The following SORBS2 variants were observed in gnomAD, a reference collection of about 807,000 sequenced individuals.
The protein encoded by SORBS2 is sorbin and SH3 domain-containing protein 2.
A neutral mutation model predicts 97.7 loss-of-function variants in SORBS2; 46 were observed. That is an observed-to-expected ratio of 0.47 (90% CI 0.37 to 0.60). SORBS2 has a LOEUF of 0.60. Ranked by LOEUF, SORBS2 falls within the 20% of genes least tolerant of loss-of-function variation. SORBS2 has a pLI of 0.00. For missense variants in SORBS2, 1,316 were observed against 1,282.3 expected (o/e 1.03, Z -0.40); for synonymous variants, 476 against 473.4 (o/e 1.01, Z -0.07).
At chr4:185,760,607 T>G (rs113426334) in intron 2 of SORBS2, among the ~76,000 whole-genome samples, 4 of 152,098 alleles carry the variant, frequency 2.6e-5, no homozygotes, top group African/African-American at 9.7e-5. Context: ...GCATCCTATG[T>G]CTGCATAATG....
chr4:185,681,169 A>AGACT (rs1442543884), intron 2 of SORBS2, among the ~76,000 whole-genome samples: 2 of 152,186 alleles, frequency 1.3e-5, no homozygotes, highest in African/African-American at 2.4e-5. Flanking sequence ...TCTCTCAAGG[A>AGACT]GACTAAAGTA....
chr4:185,910,819 T>C (rs1041080196), intron 1 of SORBS2, among the ~76,000 whole-genome samples: 2 of 152,232 alleles, frequency 1.3e-5, no homozygotes, highest in African/African-American at 2.4e-5. Context: ...CTGTATTATA[T>C]ATGAGAAATA....
intron 1 of SORBS2, among the ~76,000 whole-genome samples, chr4:185,839,491 C>T (rs1288733595): frequency 2.0e-5 from 3 of 152,154 alleles, no homozygotes; most frequent in African/African-American, 7.2e-5. Context: ...GCTGCATTTA[C>T]AACATCCACG....
At chr4:185,899,521 G>A (rs2099246560) in intron 1 of SORBS2, among the ~76,000 whole-genome samples, 1 of 152,036 alleles carries the variant, frequency 6.6e-6, no homozygotes, top group African/African-American at 2.4e-5. Context: ...AGCCTCCTGG[G>A]TTTAAGCGAT....
At chr4:185,866,137 T>TAA in intron 1 of SORBS2, among the ~76,000 whole-genome samples, 1 of 152,198 alleles carries the variant, frequency 6.6e-6, no homozygotes, top group Non-Finnish European at 1.5e-5. Flanking sequence ...GTTAAAAGAT[T>TAA]CCTGTCACCA....
At chr4:185,946,920 G>T (rs1284709427) in intron 1 of SORBS2, among the ~76,000 whole-genome samples, 1 of 152,230 alleles carries the variant, frequency 6.6e-6, no homozygotes, top group Non-Finnish European at 1.5e-5. Context: ...GACTATGTGT[G>T]CCAGGGTCAT....
At chr4:185,692,228 G>C (rs1166837100) in intron 2 of SORBS2, among the ~76,000 whole-genome samples, 1 of 152,138 alleles carries the variant, frequency 6.6e-6, no homozygotes, top group Non-Finnish European at 1.5e-5. Context: ...TCCTGAGTGG[G>C]CCTGTTGTTG....
intron 4 of SORBS2, chr4:185,646,438 C>G: frequency 3.4e-6 from 1 of 295,610 alleles, no homozygotes. Flanking sequence ...TATATAAATA[C>G]ACACACATAC....
chr4:185,912,533 C>T (rs565458006), intron 1 of SORBS2, among the ~76,000 whole-genome samples: 177 of 129,962 alleles, frequency 1.4e-3, no homozygotes, highest in African/African-American at 5.0e-3. Flanking sequence ...TGCAGTGAGC[C>T]GAGATCATGC....
At chr4:185,596,711 T>C (rs913460299) in intron 12 of SORBS2, among the ~76,000 whole-genome samples, 1 of 151,944 alleles carries the variant, frequency 6.6e-6, no homozygotes, top group Non-Finnish European at 1.5e-5. Context: ...ATTTTTGTAT[T>C]TTTAGTAGAG....
chr4:185,711,591 T>C (rs2098421028), intron 2 of SORBS2, among the ~76,000 whole-genome samples: 1 of 152,204 alleles, frequency 6.6e-6, no homozygotes, highest in Admixed American at 6.5e-5. Context: ...GTGTATTCAC[T>C]TCCCTTCATC....
intron 2 of SORBS2, among the ~76,000 whole-genome samples, chr4:185,686,267 G>A (rs2097956929): frequency 6.6e-6 from 1 of 152,000 alleles, no homozygotes; most frequent in Admixed American, 6.6e-5. Flanking sequence ...AAAGATGCTC[G>A]GAAGTATAAT....
At chr4:185,709,302 A>ATTTTTTTTTTTTTTTTT (rs1562045505) in intron 2 of SORBS2, among the ~76,000 whole-genome samples, 1 of 42,204 alleles carries the variant, frequency 2.4e-5, no homozygotes, top group Non-Finnish European at 6.3e-5. Flanking sequence ...TGCTGGCCAA[A>ATTTTTTTTTTTTTTTTT]TCTTTTTTTT....
rs142349185 is a variant in SORBS2 at position 185,736,196 on chromosome 4, T to C, written c.-198+39031A>G. On this transcript the variant is annotated intron_variant, in intron 2 of 20. Coordinates refer to the SORBS2 transcript ENST00000284776. ...TTCTGAAGTGCTTAGAGACTGTCAATGAAGGAGCAATCTCAATAAACTTTG... is the reference window on the plus strand; with the variant it reads ...TTCTGAAGTGCTTAGAGACTGTCAACGAAGGAGCAATCTCAATAAACTTTG... Among the ~76,000 whole-genome samples, 390 of 152,356 alleles carry C rather than the reference T, an allele frequency of 2.6e-3. 11 individuals are homozygous for C. The highest frequency in any genetic ancestry group is 0.024 in the Admixed American group (362 of 15,310).
chr4:185,782,086 A>C (rs1028496569), intron 1 of SORBS2, among the ~76,000 whole-genome samples: 1 of 152,286 alleles, frequency 6.6e-6, no homozygotes, highest in African/African-American at 2.4e-5. Context: ...TTGCTGAATA[A>C]GTAAATGATT....
chr4:185,691,527 T>C (rs2098094069), intron 2 of SORBS2, among the ~76,000 whole-genome samples: 1 of 152,106 alleles, frequency 6.6e-6, no homozygotes, highest in South Asian at 2.1e-4. Flanking sequence ...GTCAGTTGAC[T>C]ACCGGGGAAT....
intron 2 of SORBS2, among the ~76,000 whole-genome samples, chr4:185,726,169 G>A (rs374664510): frequency 1.4e-4 from 21 of 152,184 alleles, no homozygotes; most frequent in African/African-American, 4.1e-4. Context: ...TGTTTTATTC[G>A]TTGAGATTAC....
intron 1 of SORBS2, among the ~76,000 whole-genome samples, chr4:185,787,899 T>A (rs1431445224): frequency 6.6e-6 from 1 of 152,200 alleles, no homozygotes; most frequent in Non-Finnish European, 1.5e-5. Context: ...TAGGTAATCA[T>A]CCCCTACACA....
chr4:185,795,713 C>A (rs1007079974), intron 1 of SORBS2, among the ~76,000 whole-genome samples: 2 of 152,206 alleles, frequency 1.3e-5, no homozygotes, highest in African/African-American at 2.4e-5. Context: ...TTAAAAATTA[C>A]ATAGGTGGCT....
Sources: allele counts gnomAD v4.1 joint callset (sites outside exome capture counted in the v4.1 genomes callset), GRCh38; gene constraint gnomAD v4.1.1; transcripts MANE v1.5; gene names NCBI Gene and HGNC (gene_info 2026-07-23, HGNC 2026-07-21).